The following PACSIN2 variants were observed in gnomAD, a reference collection of about 807,000 sequenced individuals.
PACSIN2 encodes the protein protein kinase C and casein kinase substrate in neurons 2.
A neutral mutation model predicts 63.8 loss-of-function variants in PACSIN2; 25 were observed. That is an observed-to-expected ratio of 0.39 (90% CI 0.29 to 0.55). PACSIN2 has a LOEUF of 0.55. PACSIN2 is among the 20% of genes least tolerant of loss of function. PACSIN2 has a pLI of 0.62. For missense variants in PACSIN2, 518 were observed against 646.9 expected (o/e 0.80, Z 2.16); for synonymous variants, 255 against 256.2 (o/e 1.00, Z 0.05).
At chr22:42,949,751 A>G (rs533360016) in intron 1 of PACSIN2, among the ~76,000 whole-genome samples, 1 of 152,208 alleles carries the variant, frequency 6.6e-6, no homozygotes, top group South Asian at 2.1e-4. Context: ...GTCCTTCATA[A>G]AAATTTGTCA....
intron 2 of PACSIN2, among the ~76,000 whole-genome samples, chr22:42,905,781 G>T (rs1931033407): frequency 6.6e-6 from 1 of 152,226 alleles, no homozygotes; most frequent in Non-Finnish European, 1.5e-5. Context: ...AGTGCTCCTG[G>T]TGGGTGGATG....
chr22:43,009,316 G>C (rs1310624242), intron 1 of PACSIN2, among the ~76,000 whole-genome samples: 1 of 152,188 alleles, frequency 6.6e-6, no homozygotes, highest in East Asian at 1.9e-4. Flanking sequence ...ATGTTTTGAG[G>C]ACAAAAGAAT....
At chr22:42,970,962 C>T (rs746804059) in intron 1 of PACSIN2, among the ~76,000 whole-genome samples, 1 of 152,160 alleles carries the variant, frequency 6.6e-6, no homozygotes, top group Non-Finnish European at 1.5e-5. Context: ...CCAGCCTCTC[C>T]ACAGCCCTCT....
intron 1 of PACSIN2, among the ~76,000 whole-genome samples, chr22:42,999,159 T>C (rs1923601841): frequency 6.6e-6 from 1 of 152,204 alleles, no homozygotes; most frequent in Non-Finnish European, 1.5e-5. Flanking sequence ...AAGAGCATTG[T>C]AACAACCCTA....
chr22:42,989,885 TAC>T (rs1246246745), intron 1 of PACSIN2, among the ~76,000 whole-genome samples: 8 of 131,780 alleles, frequency 6.1e-5, no homozygotes, highest in South Asian at 4.8e-4. Flanking sequence ...TATATATATA[TAC>T]ACACACACAC....
intron 1 of PACSIN2, among the ~76,000 whole-genome samples, chr22:43,013,202 G>A (rs1013729313): frequency 1.1e-4 from 17 of 152,248 alleles, no homozygotes; most frequent in African/African-American, 4.1e-4. Flanking sequence ...ATTCAAATGA[G>A]TTGTTATTCT....
chr22:42,912,940 G>A (rs1276951680), intron 1 of PACSIN2, among the ~76,000 whole-genome samples: 1 of 152,214 alleles, frequency 6.6e-6, no homozygotes, highest in South Asian at 2.1e-4. Flanking sequence ...CAACAGGAAG[G>A]GGTGAGACAG....
chr22:42,947,685 G>T (rs1011569085), intron 1 of PACSIN2, among the ~76,000 whole-genome samples: 1 of 131,460 alleles, frequency 7.6e-6, no homozygotes, highest in Non-Finnish European at 1.6e-5. Context: ...TGGGGGGGGG[G>T]ACCTCTTAAT....
At chr22:43,007,248 G>A (rs1192912808) in intron 1 of PACSIN2, among the ~76,000 whole-genome samples, 2 of 140,116 alleles carry the variant, frequency 1.4e-5, no homozygotes, top group Admixed American at 7.5e-5. Flanking sequence ...AGACAGTCTC[G>A]CTCTGTCACC....
At chr22:42,926,956 CA>C (rs1932577560) in intron 1 of PACSIN2, among the ~76,000 whole-genome samples, 2 of 152,202 alleles carry the variant, frequency 1.3e-5, no homozygotes, top group South Asian at 4.1e-4. Context: ...CTCTGAAGCT[CA>C]CGATTCCTGT....
At chr22:42,996,218 T>C (rs1215211490) in intron 1 of PACSIN2, among the ~76,000 whole-genome samples, 1 of 112,846 alleles carries the variant, frequency 8.9e-6, no homozygotes, top group East Asian at 2.2e-4. Flanking sequence ...AGACTCCGTC[T>C]CAAAAAAAAA....
At chr22:42,910,064 G>C (rs1355589121) in intron 2 of PACSIN2, among the ~76,000 whole-genome samples, 1 of 152,196 alleles carries the variant, frequency 6.6e-6, no homozygotes, top group Non-Finnish European at 1.5e-5. Flanking sequence ...TGAAGGCAAA[G>C]AAAAATCAGT....
intron 1 of PACSIN2, among the ~76,000 whole-genome samples, chr22:42,941,729 A>C (rs1933169961): frequency 6.6e-6 from 1 of 152,078 alleles, no homozygotes; most frequent in East Asian, 1.9e-4. Context: ...CTCATTTTTT[A>C]AACTGGTGTG....
At chr22:42,913,014 G>C (rs1931562913) in intron 1 of PACSIN2, among the ~76,000 whole-genome samples, 1 of 152,228 alleles carries the variant, frequency 6.6e-6, no homozygotes, top group African/African-American at 2.4e-5. Context: ...TGTTTCATAT[G>C]TAATCACATG....
At chr22:42,965,281 G>A (rs1920943537) in intron 1 of PACSIN2, among the ~76,000 whole-genome samples, 1 of 152,194 alleles carries the variant, frequency 6.6e-6, no homozygotes, top group Admixed American at 6.5e-5. Context: ...GGCAGGGTGG[G>A]GGACTGACTT....
At chr22:42,911,067 G>A (rs901421990) in intron 2 of PACSIN2, among the ~76,000 whole-genome samples, 3 of 152,022 alleles carry the variant, frequency 2.0e-5, no homozygotes, top group African/African-American at 7.3e-5. Flanking sequence ...ACCACGCCCA[G>A]CTAATTTTTT....
intron 1 of PACSIN2, among the ~76,000 whole-genome samples, chr22:42,978,134 C>T (rs928347491): frequency 5.9e-5 from 9 of 152,200 alleles, no homozygotes; most frequent in African/African-American, 1.7e-4. Flanking sequence ...ACCTGCCATG[C>T]ACTTTTTTCA....
In PACSIN2 at chr22:42,870,483, T is replaced by C. The variant is rs1928018057; in HGVS notation, c.*874A>G. 1 of 152,218 alleles carries C rather than the reference T, an allele frequency of 6.6e-6. No individual in the cohort carries two copies. The highest frequency in any genetic ancestry group is 1.5e-5 in the Non-Finnish European group (1 of 68,032). 9.4% of individuals were successfully genotyped at this position (152,218 alleles called of 1,614,324 possible). A position where few individuals can be genotyped will look rare whatever the true frequency, so the allele number is the denominator to read the frequency against. ...CTGAATATCAAATAATATATACAGA[T>C]AGACACTGAGACATGACAGTCTAAT... On this transcript the variant is annotated 3_prime_UTR_variant, in exon 11 of 11. Transcript: ENST00000263246.
chr22:42,871,343 C>T lies in PACSIN2; in HGVS notation c.*14G>A, dbSNP rs1032880594. The T allele has an allele frequency of 7.6e-6, 12 of 1,579,918 alleles. No individual in the cohort carries two copies. The highest frequency in any genetic ancestry group is 1.0e-5 in the Non-Finnish European group (12 of 1,148,670). The stretch of plus-strand genomic sequence containing the variant: ...CCGCCGCCTCCGTCCCCCCGCTGGC[C>T]TGTCCCCGACTCATCACTGGATCGC... On this transcript the variant is annotated 3_prime_UTR_variant, in exon 11 of 11. Coordinates refer to ENST00000263246, the MANE Select transcript of PACSIN2 (RefSeq NM_001184970.3). The surrounding 1 kb of genome is among the most constrained non-coding windows in gnomAD (Gnocchi z 5.4).
Sources: gnomAD v4.1 joint callset for allele counts (sites outside exome capture counted in the v4.1 genomes callset) on GRCh38, gnomAD v4.1.1 for gene constraint, Gnocchi (gnomAD v3.1) non-coding constraint, MANE v1.5 for transcripts, NCBI Gene and HGNC (gene_info 2026-07-23, HGNC 2026-07-21) for gene names.